The following SH3BP5 variants were observed in gnomAD, a reference collection of about 807,000 sequenced individuals.
The protein encoded by SH3BP5 is SH3 domain-binding protein 5.
A neutral mutation model predicts 43.3 loss-of-function variants in SH3BP5; 22 were observed. The observed-to-expected ratio is 0.51, with a 90% confidence interval of 0.36 to 0.73. The LOEUF is 0.73. Among genes scored for constraint, SH3BP5 ranks in the 30% least tolerant of loss-of-function variants. The pLI is 0.00. For synonymous variants in SH3BP5, 255 were observed against 225.8 expected (o/e 1.13, Z -1.16); for missense variants, 529 against 586.9 (o/e 0.90, Z 1.02).
rs117074781 is a variant in SH3BP5 at position 15,282,071 on chromosome 3, A to G, written c.331-12194T>C. On this transcript the variant is annotated intron_variant, in intron 3 of 8. Transcript: ENST00000383791. ...AACTGGCATTGATTTGACCAGGACA[A>G]TTGAGCCACTATGAGGCCGTATTCT... Among the ~76,000 whole-genome samples the G allele has an allele frequency of 2.8e-3, 422 of 152,282 alleles. 7 individuals carry two copies. In the East Asian group the frequency reaches 0.029, roughly 10 times the overall value.
intron 2 of SH3BP5, among the ~76,000 whole-genome samples, chr3:15,322,643 G>A (rs1328027249): frequency 6.6e-6 from 1 of 152,008 alleles, no homozygotes; most frequent in Non-Finnish European, 1.5e-5. Flanking sequence ...TTTGAGACCA[G>A]CCTGGGCAAC....
intron 3 of SH3BP5, among the ~76,000 whole-genome samples, chr3:15,296,554 C>T (rs1007244561): frequency 2.0e-5 from 3 of 151,890 alleles, no homozygotes; most frequent in African/African-American, 7.3e-5. Flanking sequence ...CAATAGCTAC[C>T]GAAGAAAAGA....
intron 5 of SH3BP5, chr3:15,260,291 C>T (rs1696386782): frequency 5.9e-6 from 1 of 169,014 alleles, no homozygotes; most frequent in Non-Finnish European, 1.3e-5. Flanking sequence ...CACAGCACAG[C>T]AAGGCCACCA....
At chr3:15,262,127 A>G in intron 5 of SH3BP5, 32 bp downstream of exon 5, 1 of 1,612,188 alleles carries the variant, frequency 6.2e-7, no homozygotes. Context: ...GGACAGCCGC[A>G]CGGCCCCAGG....
intron 3 of SH3BP5, among the ~76,000 whole-genome samples, chr3:15,294,724 A>G (rs866353218): frequency 6.6e-5 from 10 of 152,146 alleles, no homozygotes; most frequent in African/African-American, 2.2e-4. Flanking sequence ...ATGGCAAAAA[A>G]TGGAGCTGCC....
At chr3:15,308,239 T>C (rs898077306) in intron 2 of SH3BP5, among the ~76,000 whole-genome samples, 1 of 152,146 alleles carries the variant, frequency 6.6e-6, no homozygotes, top group Admixed American at 6.5e-5. Flanking sequence ...GAAGGATGGA[T>C]ACAGGGCACA....
chr3:15,316,442 C>G (rs1051907445), intron 2 of SH3BP5, among the ~76,000 whole-genome samples: 20 of 152,134 alleles, frequency 1.3e-4, no homozygotes, highest in African/African-American at 4.6e-4. Flanking sequence ...TCAGGCTGGT[C>G]TCGAACTCCT....
rs1438115970 is a variant in SH3BP5 at position 15,259,786 on chromosome 3, T to G, written c.644A>C (p.Lys215Thr). Residue 215 changes from lysine (K) to threonine (T), a missense_variant, in exon 6 of 9, where the codon AAG becomes ACG. Physicochemically the swap from Lys to Thr is moderately conservative, Grantham distance 78. This residue lies in a region of SH3BP5 where 369 missense variants were observed against 384.3 expected (regional missense o/e 0.96). Transcript: ENST00000383791. ...CTCGAGCTGCACATAGTACTTTGCC[T>G]TGAGTTCAAAATAAGGCCTGCAGAA... is the stretch of plus-strand genomic sequence containing the variant. Reference protein sequence around the residue: ...INKSKPYFELKAKYYVQLEQL... With the variant: ...INKSKPYFELTAKYYVQLEQL... 1.9e-6 allele frequency: 3 copies of G among 1,613,972 alleles called. No homozygotes were observed. The Admixed American group carries it at 5.0e-5, about 27-fold the overall frequency.
At chr3:15,320,605 A>AACACACACACACACACACACAC (rs376414934) in intron 2 of SH3BP5, among the ~76,000 whole-genome samples, 7,973 of 126,534 alleles carry the variant, frequency 0.063, 344 homozygotes, top group Non-Finnish European at 0.081. Context: ...ATCCAGCCAA[A>AACACACACACACACACACACAC]ACACACACAC....
chr3:15,313,319 T>C (rs1698105950), intron 2 of SH3BP5, among the ~76,000 whole-genome samples: 1 of 152,128 alleles, frequency 6.6e-6, no homozygotes, highest in African/African-American at 2.4e-5. Context: ...AAATAGCACA[T>C]GCAGTCCTAG....
At chr3:15,273,267 A>G (rs1052142384) in intron 3 of SH3BP5, 1 of 985,434 alleles carries the variant, frequency 1.0e-6, no homozygotes, top group South Asian at 4.7e-5. Flanking sequence ...TGCTTCAGTT[A>G]TGAATCCCTT....
At chr3:15,281,597 TA>T (rs1418918889) in intron 3 of SH3BP5, among the ~76,000 whole-genome samples, 1 of 152,094 alleles carries the variant, frequency 6.6e-6, no homozygotes, top group Non-Finnish European at 1.5e-5. Flanking sequence ...GTTGCGAGCA[TA>T]ACACCCACTC....
At chr3:15,314,049 C>T (rs1264115902) in intron 2 of SH3BP5, among the ~76,000 whole-genome samples, 1 of 151,880 alleles carries the variant, frequency 6.6e-6, no homozygotes, top group Non-Finnish European at 1.5e-5. Flanking sequence ...CTGCAGTGAG[C>T]CAGGATCGTC....
At chr3:15,311,179 G>T (rs1399588879) in intron 2 of SH3BP5, among the ~76,000 whole-genome samples, 1 of 152,192 alleles carries the variant, frequency 6.6e-6, no homozygotes, top group Admixed American at 6.5e-5. Context: ...ACCACTTTCA[G>T]TTGGCAGAAA....
At chr3:15,314,088 C>A (rs139770529) in intron 2 of SH3BP5, among the ~76,000 whole-genome samples, 1 of 151,408 alleles carries the variant, frequency 6.6e-6, no homozygotes, top group Admixed American at 6.6e-5. Context: ...GGTGACAGAG[C>A]GAGACTCTGT....
At chr3:15,259,175 T>TA (rs1269126264) in intron 6 of SH3BP5, 125 bp from the exon 7 acceptor site, 1 of 738,972 alleles carries the variant, frequency 1.4e-6, no homozygotes, top group East Asian at 2.7e-5. Context: ...AAGACATGAC[T>TA]GAAGACCTAA....
intron 2 of SH3BP5, 33 bp downstream of exon 2, chr3:15,330,471 C>A (rs1176284383): frequency 1.8e-5 from 28 of 1,579,896 alleles, no homozygotes; most frequent in Non-Finnish European, 2.4e-5. Context: ...AGTGACATCA[C>A]TTCACCAAGA....
chr3:15,256,732 C>T, intron 8 of SH3BP5, 121 bp downstream of exon 8: 3 of 1,190,066 alleles, frequency 2.5e-6, no homozygotes, highest in Non-Finnish European at 3.5e-6. Context: ...ACAGCACAAC[C>T]ACAGAGACCT....
chr3:15,298,588 A>G (rs1697644488), intron 3 of SH3BP5, among the ~76,000 whole-genome samples: 1 of 152,224 alleles, frequency 6.6e-6, no homozygotes, highest in Non-Finnish European at 1.5e-5. Flanking sequence ...CCATGGATGA[A>G]TGGATAAATA....
Sources: allele counts gnomAD v4.1 joint callset (sites outside exome capture counted in the v4.1 genomes callset), GRCh38; gene constraint gnomAD v4.1.1; regional missense constraint gnomAD v4.1.1; transcripts MANE v1.5; gene names NCBI Gene and HGNC (gene_info 2026-07-23, HGNC 2026-07-21).